Variants in SRXN1 observed in about 807,000 individuals in gnomAD.
SRXN1 encodes the protein sulfiredoxin 1, also known as sulfiredoxin-1.
Under a neutral mutation model 11.0 loss-of-function variants are expected in SRXN1, and 11 were observed. That is an observed-to-expected ratio of 1.00 (90% CI 0.63 to 1.65). The LOEUF (loss-of-function observed/expected upper bound fraction) is 1.65, where lower values mean the gene tolerates loss of function less well. Ranked by LOEUF, SRXN1 falls within the 40% of genes most tolerant of loss-of-function variation. The pLI, the probability that SRXN1 is intolerant of heterozygous loss-of-function variation, is 0.00. For missense variants in SRXN1, 211 were observed against 194.5 expected, an observed-to-expected ratio of 1.08 and a Z score of -0.50; for synonymous variants, 106 against 92.8, an observed-to-expected ratio of 1.14 and a Z score of -0.82.
rs185719395 is a variant in SRXN1, at chr20:646,641, T to A, written c.*2073A>T. On this transcript the variant is annotated 3_prime_UTR_variant, in exon 2 of 2. Coordinates refer to ENST00000381962, the MANE Select transcript of SRXN1 (RefSeq NM_080725.3). Reference sequence around the variant, plus strand: ...TTTTTTTTTTAAATTAAATAAACTTTTATTTTGGAATGATACTAGATTTAC... The same window carrying A: ...TTTTTTTTTTAAATTAAATAAACTTATATTTTGGAATGATACTAGATTTAC... 10 of 151,874 alleles carry A rather than the reference T, an allele frequency of 6.6e-5. No homozygotes were observed. The highest frequency in any genetic ancestry group is 1.3e-4 in the Admixed American group (2 of 15,264). The allele number at this position is 151,874 out of a possible 1,614,324, so 9.4% of individuals were successfully genotyped here. A position where few individuals can be genotyped will look rare whatever the true frequency, so the allele number is the denominator to read the frequency against.
intron 1 of SRXN1, among the ~76,000 whole-genome samples, chr20:649,825 G>C (rs1281979034): frequency 2.6e-5 from 4 of 152,140 alleles, no homozygotes; most frequent in Non-Finnish European, 5.9e-5. Context: ...TTGTGCCTCA[G>C]TTGCCCCATC....
rs1568637512 is a variant in SRXN1 at position 647,174 on chromosome 20, T to C, written c.*1540A>G. 1 of 152,250 alleles carries C rather than the reference T, an allele frequency of 6.6e-6. No individual in the cohort carries two copies. Among genetic ancestry groups the C allele is most frequent in the Non-Finnish European group, 1.5e-5 (1 of 68,114 alleles). 9.4% of individuals were successfully genotyped at this position (152,250 alleles called of 1,614,324 possible). A position where few individuals can be genotyped will look rare whatever the true frequency, so the allele number is the denominator to read the frequency against. The stretch of plus-strand genomic sequence containing the variant: ...CTCCTACTACAGTGGGTCCAGCCCA[T>C]GGAGAGACTCACTTCCTGCCCCAAC... On this transcript the variant is annotated 3_prime_UTR_variant, in exon 2 of 2. Coordinates refer to ENST00000381962, the MANE Select transcript of SRXN1 (RefSeq NM_080725.3).
At chr20:650,551 G>C (rs1983646960) in intron 1 of SRXN1, among the ~76,000 whole-genome samples, 1 of 152,206 alleles carries the variant, frequency 6.6e-6, no homozygotes, top group Admixed American at 6.5e-5. Flanking sequence ...GGCGTGGAAG[G>C]CCTCCTGCTG....
In SRXN1 at chr20:653,078, G is replaced by T; in HGVS notation, c.108C>A (p.Gly36=). Residue 36 remains glycine (G), a synonymous_variant, in exon 1 of 2, where the codon GGC becomes GGA. Coordinates refer to ENST00000381962, the MANE Select transcript of SRXN1 (RefSeq NM_080725.3). ...GGAQGGSIHS[G]RIAAVHNVPL... The stretch of plus-strand genomic sequence containing the variant: ...GCACGTTGTGCACCGCGGCGATGCG[G>T]CCCGAGTGGATGCTGCCGCCCTGCG... 1 of 1,502,312 alleles carries T rather than the reference G, an allele frequency of 6.7e-7. No individual in the cohort carries two copies. 93.1% of individuals were successfully genotyped at this position (1,502,312 alleles called of 1,614,324 possible). A position where few individuals can be genotyped will look rare whatever the true frequency, so the allele number is the denominator to read the frequency against.
In SRXN1 at chr20:648,923, G is replaced by C. The variant is rs1490885844; in HGVS notation, c.211-6C>G. The C allele has an allele frequency of 6.2e-7, 1 of 1,613,910 alleles. No individual in the cohort carries two copies. Among genetic ancestry groups the C allele is most frequent in the Non-Finnish European group, 8.5e-7 (1 of 1,179,936 alleles). ...GGCACGCTGTCTGGGTCCTCCTGGG[G>C]AGAAGAGGCACAGAGTCAATGGACA... is the stretch of plus-strand genomic sequence containing the variant. On this transcript the variant is annotated splice_region_variant and splice_polypyrimidine_tract_variant and intron_variant, in intron 1 of 1. Transcript: ENST00000381962.
chr20:652,063 C>G (rs1983687071), intron 1 of SRXN1, among the ~76,000 whole-genome samples: 1 of 152,144 alleles, frequency 6.6e-6, no homozygotes, highest in Non-Finnish European at 1.5e-5. Flanking sequence ...TAAGTGGTAT[C>G]CTGAAAAACA....
At chr20:649,029 T>C in intron 1 of SRXN1, 112 bp from the exon 2 acceptor site, 1 of 1,100,830 alleles carries the variant, frequency 9.1e-7, no homozygotes, top group Admixed American at 2.4e-5. Context: ...ACTGGACTAC[T>C]GTGAGAGACA....
chr20:651,185 TA>T (rs1226049172), intron 1 of SRXN1, among the ~76,000 whole-genome samples: 1 of 152,194 alleles, frequency 6.6e-6, no homozygotes, highest in Non-Finnish European at 1.5e-5. Flanking sequence ...GATTCTCCCC[TA>T]GAGCCTACAG....
intron 1 of SRXN1, among the ~76,000 whole-genome samples, chr20:649,499 T>G (rs1983619901): frequency 6.6e-6 from 1 of 152,076 alleles, no homozygotes; most frequent in Non-Finnish European, 1.5e-5. Context: ...GTCAGGAGTT[T>G]GAGACCAGCC....
chr20:651,408 G>A (rs181533736), intron 1 of SRXN1, among the ~76,000 whole-genome samples: 10 of 152,336 alleles, frequency 6.6e-5, no homozygotes, highest in Admixed American at 2.6e-4. Context: ...TAGACAGGAC[G>A]TTAAAAGCCA....
rs769368733 is a variant in SRXN1 at position 648,116 on chromosome 20, C to T, written c.*598G>A. On this transcript the variant is annotated 3_prime_UTR_variant, in exon 2 of 2. Transcript: ENST00000381962. ...AGGTGACGGGTCCAGCTAGTTTGGC[C>T]CTTCCTCTTCCTCCACCCCTCCTTC... 2 of 456,220 alleles carry T rather than the reference C, an allele frequency of 4.4e-6. No homozygotes were observed. The highest frequency in any genetic ancestry group is 8.8e-6 in the Non-Finnish European group (2 of 226,960). 28.3% of individuals were successfully genotyped at this position (456,220 alleles called of 1,614,324 possible). A position where few individuals can be genotyped will look rare whatever the true frequency, so the allele number is the denominator to read the frequency against.
intron 1 of SRXN1, among the ~76,000 whole-genome samples, chr20:650,605 A>G (rs1297827925): frequency 6.6e-6 from 1 of 152,208 alleles, no homozygotes; most frequent in Non-Finnish European, 1.5e-5. Flanking sequence ...ATGATTATTC[A>G]GCAGTAAGGT....
Position 653,050 on chromosome 20 carries a change from GC to G in SRXN1, c.135del (p.Leu46Ter). 1 of 1,560,978 alleles carries G rather than the reference GC, an allele frequency of 6.4e-7. No individual in the cohort carries two copies. The highest frequency in any genetic ancestry group is 8.6e-7 in the Non-Finnish European group (1 of 1,157,856). On this transcript the variant is annotated frameshift_variant, in exon 1 of 2. Coordinates refer to ENST00000381962, the MANE Select transcript of SRXN1 (RefSeq NM_080725.3). LOFTEE classifies it high-confidence loss of function. ...SGRIAAVHNVPLSVLIRPLPS... is the reference protein window; with the variant it reads ...SGRIAAVHNVXLSVLIRPLPS... ...GGCAGCGGCCGGATGAGCACGCTCA[GC>G]GGCACGTTGTGCACCGCGGCGATGC...
intron 1 of SRXN1, among the ~76,000 whole-genome samples, chr20:649,663 T>C (rs530761280): frequency 3.3e-5 from 5 of 150,926 alleles, no homozygotes; most frequent in African/African-American, 1.2e-4. Flanking sequence ...GATCGCACCA[T>C]TGCACTCCAG....
At position 653,012 on chromosome 20, in the gene SRXN1, G is replaced by A. The variant is rs1231681200; in HGVS notation, c.174C>T (p.Asp58=). The change falls in exon 1 of 2, where the codon GAC becomes GAT. Residue 58 remains aspartate (D), a synonymous_variant. Transcript: ENST00000381962. The stretch of plus-strand genomic sequence containing the variant: ...CCACGAGGCTCTGCACCTTGGCGGG[G>A]TCCAACACGGACGGCAGCGGCCGGA... ...VLIRPLPSVL[D]PAKVQSLVDT... is the part of the protein sequence containing the mutation. 1.3e-6 allele frequency: 2 copies of A among 1,571,200 alleles called. No homozygotes were observed. The highest frequency in any genetic ancestry group is 1.7e-6 in the Non-Finnish European group (2 of 1,161,254).
At chr20:651,352 G>C (rs566912671) in intron 1 of SRXN1, among the ~76,000 whole-genome samples, 1 of 152,182 alleles carries the variant, frequency 6.6e-6, no homozygotes. Context: ...GGCAGAGCTG[G>C]TTCTGGCCCT....
At chr20:648,957 G>A in intron 1 of SRXN1, 40 bp from the exon 2 acceptor site, 1 of 1,606,122 alleles carries the variant, frequency 6.2e-7, no homozygotes, top group Non-Finnish European at 8.5e-7. Flanking sequence ...CATGGTACAA[G>A]GCTTGAGAGT....
At chr20:652,935 GA>G (rs1270261537) in intron 1 of SRXN1, 40 bp downstream of exon 1, 1 of 1,368,636 alleles carries the variant, frequency 7.3e-7, no homozygotes, top group African/African-American at 1.5e-5. Context: ...TCCCTCCTCC[GA>G]AGCCCTCCCT....
In SRXN1 at chr20:652,978, G is replaced by T; in HGVS notation, c.208C>A (p.Arg70=). ...GGCTGGACTCCCCGAGGCCTCACCC[G>T]GATCGTGTCCACGAGGCTCTGCACC... ...AKVQSLVDTI[R]EDPDSVPPID... is the part of the protein sequence containing the mutation. The change falls in exon 1 of 2, where the codon CGG becomes AGG. Residue 70 remains arginine (R), a splice_region_variant and synonymous_variant. Coordinates refer to ENST00000381962, the MANE Select transcript of SRXN1 (RefSeq NM_080725.3). The T allele has an allele frequency of 6.5e-7, 1 of 1,530,118 alleles. No individual in the cohort carries two copies. The highest frequency in any genetic ancestry group is 8.8e-7 in the Non-Finnish European group (1 of 1,137,364). The allele number at this position is 1,530,118 out of a possible 1,614,324, so 94.8% of individuals were successfully genotyped here.
Sources: allele counts gnomAD v4.1 joint callset (sites outside exome capture counted in the v4.1 genomes callset), GRCh38; gene constraint gnomAD v4.1.1; transcripts MANE v1.5; gene names NCBI Gene and HGNC (gene_info 2026-07-23, HGNC 2026-07-21).